The following SLC35E1 variants were observed in gnomAD, a reference collection of about 807,000 sequenced individuals.
SLC35E1 encodes the protein solute carrier family 35, member E1.
Under a neutral mutation model 31.0 loss-of-function variants are expected in SLC35E1, and 12 were observed. The ratio of observed to expected loss-of-function variants is 0.39; its 90% CI spans 0.25 to 0.63. The LOEUF (loss-of-function observed/expected upper bound fraction) is 0.63, where lower values mean the gene tolerates loss of function less well. SLC35E1 is among the 20% of genes least tolerant of loss of function. The pLI is 0.52. For missense variants in SLC35E1, 429 were observed against 572.2 expected (o/e 0.75, Z 2.55); for synonymous variants, 257 against 264.1 (o/e 0.97, Z 0.26).
At chr19:16,560,190 G>A (rs2085897556) in intron 4 of SLC35E1, among the ~76,000 whole-genome samples, 1 of 152,136 alleles carries the variant, frequency 6.6e-6, no homozygotes, top group Non-Finnish European at 1.5e-5. Flanking sequence ...TCAGGGGCGA[G>A]CCTGGGATTC....
In SLC35E1 at chr19:16,555,455, C is replaced by T; in HGVS notation, c.757-58G>A. ...AGTGGGCAGCGGTGACCCTGCCTCC[C>T]TGTATCCACCTGGCAGGGTTAGGGG... On this transcript the variant is annotated intron_variant, in intron 4 of 5. Transcript: ENST00000595753. This position sits in a 1 kb window ranked among gnomAD's most constrained non-coding sequence, Gnocchi z 4.1. 6.3e-7 allele frequency: 1 copy of T among 1,585,944 alleles called. No homozygotes were observed. Among genetic ancestry groups the T allele is most frequent in the Non-Finnish European group, 8.6e-7 (1 of 1,166,334 alleles).
In SLC35E1 at chr19:16,555,670, G is replaced by A; in HGVS notation, c.757-273C>T. The A allele has an allele frequency of 4.6e-6, 2 of 434,896 alleles. No individual in the cohort carries two copies. The highest frequency in any genetic ancestry group is 8.4e-6 in the Non-Finnish European group (2 of 238,944). 26.9% of individuals were successfully genotyped at this position (434,896 alleles called of 1,614,324 possible). A position where few individuals can be genotyped will look rare whatever the true frequency, so the allele number is the denominator to read the frequency against. On this transcript the variant is annotated intron_variant, in intron 4 of 5. Transcript: ENST00000595753. This position sits in a 1 kb window ranked among gnomAD's most constrained non-coding sequence, Gnocchi z 4.1. ...CAGGTCCCCAAAGGGCACCAAGCAA[G>A]ACGTAAGCCAAAGCCTTCCCTGGCA...
intron 3 of SLC35E1, 115 bp downstream of exon 3, chr19:16,567,917 T>C (rs1392867091): frequency 1.5e-6 from 2 of 1,374,888 alleles, no homozygotes; most frequent in Non-Finnish European, 1.9e-6. Flanking sequence ...GCAATCAAGA[T>C]TTTTCTGCTC....
chr19:16,561,941 A>G (rs1374233672), intron 4 of SLC35E1, among the ~76,000 whole-genome samples: 1 of 152,194 alleles, frequency 6.6e-6, no homozygotes, highest in Non-Finnish European at 1.5e-5. Flanking sequence ...TAATCCCAGC[A>G]CTTTGAGAGG....
At chr19:16,565,392 T>C in intron 4 of SLC35E1, 1 of 307,612 alleles carries the variant, frequency 3.3e-6, no homozygotes, top group Non-Finnish European at 6.4e-6. Flanking sequence ...GTATTTTTAG[T>C]AGAGACAGGA....
chr19:16,569,233 C>T (rs778100395), intron 2 of SLC35E1, among the ~76,000 whole-genome samples: 21 of 151,848 alleles, frequency 1.4e-4, no homozygotes, highest in Admixed American at 6.6e-5. Flanking sequence ...CCATGTTGGC[C>T]AGGATGGTCT....
In SLC35E1 at chr19:16,572,368, G is replaced by T; in HGVS notation, c.-4C>A. The T allele has an allele frequency of 1.0e-6, 1 of 1,004,734 alleles. No homozygotes were observed. Among genetic ancestry groups the T allele is most frequent in the Non-Finnish European group, 1.2e-6 (1 of 842,678 alleles). The allele number at this position is 1,004,734 out of a possible 1,614,324, so 62.2% of individuals were successfully genotyped here. ...CGCCCACCGCGGCCGCCGCCATCCT[G>T]CCCGAGCGGCCGCCCCTTCCAGCCC... On this transcript the variant is annotated 5_prime_UTR_variant, in exon 1 of 6. Coordinates refer to ENST00000595753, the MANE Select transcript of SLC35E1 (RefSeq NM_024881.5). This position sits in a 1 kb window ranked among gnomAD's most constrained non-coding sequence, Gnocchi z 4.1.
In SLC35E1 at chr19:16,555,782, G is replaced by A. The variant is rs543477647; in HGVS notation, c.757-385C>T. The A allele has an allele frequency of 4.2e-6, 1 of 238,464 alleles. No homozygotes were observed. Among genetic ancestry groups the A allele is most frequent in the Non-Finnish European group, 8.2e-6 (1 of 121,278 alleles). 14.8% of individuals were successfully genotyped at this position (238,464 alleles called of 1,614,324 possible). ...TCTACAGGGTTGGAGGTCCTGGGAA[G>A]GTGGCTCTGAGCCTGCGAAGTACCT... On this transcript the variant is annotated intron_variant, in intron 4 of 5. Transcript: ENST00000595753. This position sits in a 1 kb window ranked among gnomAD's most constrained non-coding sequence, Gnocchi z 4.1.
intron 4 of SLC35E1, among the ~76,000 whole-genome samples, chr19:16,559,267 G>C: frequency 6.6e-6 from 1 of 151,774 alleles, no homozygotes; most frequent in Admixed American, 6.6e-5. Flanking sequence ...AGTGAGCCGA[G>C]ATCCCGCCAC....
chr19:16,569,025 ACTCT>A (rs2085945135), intron 2 of SLC35E1, among the ~76,000 whole-genome samples: 1 of 129,854 alleles, frequency 7.7e-6, no homozygotes, highest in South Asian at 2.4e-4. Flanking sequence ...CTCTCCACTC[ACTCT>A]TTTTTTTTTT....
At chr19:16,560,934 G>A (rs1242982502) in intron 4 of SLC35E1, among the ~76,000 whole-genome samples, 1 of 147,182 alleles carries the variant, frequency 6.8e-6, no homozygotes, top group Non-Finnish European at 1.5e-5. Flanking sequence ...AGGTGTGGTG[G>A]CTCACGCCTG....
At chr19:16,561,766 T>C (rs954438867) in intron 4 of SLC35E1, among the ~76,000 whole-genome samples, 1 of 152,136 alleles carries the variant, frequency 6.6e-6, no homozygotes, top group Non-Finnish European at 1.5e-5. Flanking sequence ...CTGTGTAGTC[T>C]ATGTGGGAGA....
chr19:16,561,098 C>T (rs1257846598), intron 4 of SLC35E1, among the ~76,000 whole-genome samples: 6 of 148,548 alleles, frequency 4.0e-5, no homozygotes, highest in Non-Finnish European at 5.9e-5. Flanking sequence ...CCTGTAATCC[C>T]AGCTATATGG....
chr19:16,558,769 G>GTTTTT (rs560656652), intron 4 of SLC35E1, among the ~76,000 whole-genome samples: 2 of 130,966 alleles, frequency 1.5e-5, no homozygotes, highest in Non-Finnish European at 3.3e-5. Flanking sequence ...CATCCCTTGA[G>GTTTTT]TTTTTTTTTT....
rs889335646 is a variant in SLC35E1, at chr19:16,572,380, G to GC, written c.-17dup. The GC allele has an allele frequency of 2.0e-6, 2 of 996,710 alleles. No homozygotes were observed. Among genetic ancestry groups the GC allele is most frequent in the Non-Finnish European group, 1.2e-6 (1 of 837,624 alleles). 61.7% of individuals were successfully genotyped at this position (996,710 alleles called of 1,614,324 possible). A position where few individuals can be genotyped will look rare whatever the true frequency, so the allele number is the denominator to read the frequency against. ...CCGCCGCCATCCTGCCCGAGCGGCC[G>GC]CCCCTTCCAGCCCGTCCGACGGCCC... On this transcript the variant is annotated 5_prime_UTR_variant, in exon 1 of 6. Transcript: ENST00000595753. The surrounding 1 kb of genome is among the most constrained non-coding windows in gnomAD (Gnocchi z 4.1).
chr19:16,561,213 CAAAAAA>C (rs59176175), intron 4 of SLC35E1, among the ~76,000 whole-genome samples: 43 of 24,746 alleles, frequency 1.7e-3, no homozygotes, highest in African/African-American at 0.011. Context: ...GACTCCATCT[CAAAAAA>C]AAAAAAAAAA....
chr19:16,562,498 C>A (rs1375649466), intron 4 of SLC35E1, among the ~76,000 whole-genome samples: 2 of 152,164 alleles, frequency 1.3e-5, no homozygotes, highest in African/African-American at 4.8e-5. Flanking sequence ...TGCATGTAAT[C>A]CATGCACATC....
chr19:16,569,924 C>G (rs149922543), intron 2 of SLC35E1, among the ~76,000 whole-genome samples: 3 of 152,070 alleles, frequency 2.0e-5, no homozygotes, highest in Non-Finnish European at 2.9e-5. Flanking sequence ...GAGGGCAGAC[C>G]GAGGGCTGTG....
chr19:16,556,976 C>T (rs1568271703), intron 4 of SLC35E1: 2 of 471,270 alleles, frequency 4.2e-6, no homozygotes, highest in Admixed American at 4.7e-5. Context: ...GGAATAGCCC[C>T]TGTAATATAT....
Sources: gnomAD v4.1 joint callset for allele counts (sites outside exome capture counted in the v4.1 genomes callset) on GRCh38, gnomAD v4.1.1 for gene constraint, Gnocchi (gnomAD v3.1) non-coding constraint, MANE v1.5 for transcripts, NCBI Gene and HGNC (gene_info 2026-07-23, HGNC 2026-07-21) for gene names.